The following NTRK3 variants were observed in gnomAD, a reference collection of about 807,000 sequenced individuals.
NTRK3 encodes the protein neurotrophic receptor tyrosine kinase 3.
NTRK3 carries 24 observed loss-of-function variants against 91.7 expected under a neutral mutation model. The observed-to-expected ratio is 0.26, with a 90% CI of 0.19 to 0.37. NTRK3 has a LOEUF of 0.37. Among genes scored for constraint, NTRK3 ranks in the 10% least tolerant of loss-of-function variants. The probability of loss-of-function intolerance (pLI) is 1.00; values close to 1 mark genes in which losing one functional copy is unlikely to be tolerated. For synonymous variants in NTRK3, 483 were observed against 404.0 expected (o/e 1.20, Z -2.34); for missense variants, 880 against 1,068.9 (o/e 0.82, Z 2.46).
At chr15:88,188,197 G>A (rs2047100355) in intron 3 of NTRK3, among the ~76,000 whole-genome samples, 1 of 152,188 alleles carries the variant, frequency 6.6e-6, no homozygotes. Context: ...TGGGTGTCCT[G>A]GTTCAATCAG....
At chr15:87,993,601 C>T (rs1252277008) in intron 14 of NTRK3, among the ~76,000 whole-genome samples, 1 of 152,156 alleles carries the variant, frequency 6.6e-6, no homozygotes, top group East Asian at 1.9e-4. Flanking sequence ...TTAGGCAGTG[C>T]AGGTGTCATC....
intron 3 of NTRK3, among the ~76,000 whole-genome samples, 183 bp from the exon 4 acceptor site, chr15:88,184,482 C>T (rs1464121453): frequency 1.3e-5 from 2 of 152,228 alleles, no homozygotes; most frequent in Admixed American, 6.5e-5. Context: ...CACCGTCTGC[C>T]TGATTGGGTT....
chr15:87,907,021 C>T (rs993076949), intron 17 of NTRK3, among the ~76,000 whole-genome samples: 1 of 152,138 alleles, frequency 6.6e-6, no homozygotes, highest in African/African-American at 2.4e-5. Context: ...AAATTTATGC[C>T]TGTAGCTCCT....
chr15:88,152,387 A>G (rs941965679), intron 5 of NTRK3, among the ~76,000 whole-genome samples: 1 of 152,330 alleles, frequency 6.6e-6, no homozygotes, highest in Admixed American at 6.5e-5. Flanking sequence ...AGACCTAATT[A>G]AAGTTAAGTA....
chr15:88,235,538 A>G lies in NTRK3; in HGVS notation c.248+20368T>C, dbSNP rs1049250414. ...AGTGGCATTCATCTATCCCTTGCAC[A>G]TGAGACTCAGCCTGGGCCCCTGGGA... On this transcript the variant is annotated intron_variant, in intron 3 of 18. Transcript: ENST00000394480. This position sits in a 1 kb window ranked among gnomAD's most constrained non-coding sequence, Gnocchi z 5.2. Among the ~76,000 whole-genome samples the G allele has an allele frequency of 3.3e-5, 5 of 152,114 alleles. No individual in the cohort carries two copies. Among genetic ancestry groups the G allele is most frequent in the Admixed American group, 6.5e-5 (1 of 15,278 alleles).
intron 14 of NTRK3, among the ~76,000 whole-genome samples, chr15:88,007,982 A>G (rs190622193): frequency 6.6e-6 from 1 of 152,312 alleles, no homozygotes; most frequent in East Asian, 1.9e-4. Context: ...CCAAGGAATT[A>G]TCTACTGGGA....
exon 19 of NTRK3, chr15:87,862,333 T>G: frequency 4.4e-6 from 1 of 224,774 alleles, no homozygotes; most frequent in Admixed American, 5.7e-5. Context: ...CCACCTCATT[T>G]ATTCCTAAAA....
At chr15:88,177,794 GACCA>G (rs1051318169) in intron 5 of NTRK3, among the ~76,000 whole-genome samples, 2 of 152,340 alleles carry the variant, frequency 1.3e-5, no homozygotes, top group Non-Finnish European at 2.9e-5. Flanking sequence ...AACAATTGGA[GACCA>G]ACATGTGTTG....
At chr15:88,109,640 G>C (rs901050426) in intron 13 of NTRK3, among the ~76,000 whole-genome samples, 1 of 152,172 alleles carries the variant, frequency 6.6e-6, no homozygotes, top group Non-Finnish European at 1.5e-5. Context: ...TGGGGGGCTG[G>C]GCGGGGGGCG....
At chr15:87,926,776 A>T (rs1816866427) in intron 17 of NTRK3, 1 of 152,246 alleles carries the variant, frequency 6.6e-6, no homozygotes, top group South Asian at 2.1e-4. Context: ...GGTCAGACAT[A>T]GTTTCCTGAG....
chr15:88,224,095 C>T (rs2050474810), intron 3 of NTRK3, among the ~76,000 whole-genome samples: 1 of 152,216 alleles, frequency 6.6e-6, no homozygotes, highest in Non-Finnish European at 1.5e-5. Context: ...CATCTCAGAG[C>T]TGGTGCAGAT....
chr15:87,987,735 T>C (rs989852059), intron 14 of NTRK3, among the ~76,000 whole-genome samples: 1 of 152,224 alleles, frequency 6.6e-6, no homozygotes, highest in East Asian at 1.9e-4. Context: ...TTTATGTTAC[T>C]TAAATCTGTA....
intron 17 of NTRK3, among the ~76,000 whole-genome samples, chr15:87,903,804 G>C (rs921607619): frequency 7.2e-5 from 11 of 152,210 alleles, no homozygotes; most frequent in Non-Finnish European, 1.2e-4. Flanking sequence ...CAATGAAAAG[G>C]GGGGAAACCA....
At position 88,166,571 on chromosome 15, in the gene NTRK3, G is replaced by A. The variant is rs1050139154; in HGVS notation, c.395+16847C>T. 1.6e-4 allele frequency among the ~76,000 whole-genome samples: 25 copies of A among 152,198 alleles called. 1 individual carries two copies. Among genetic ancestry groups the A allele is most frequent in the African/African-American group, 5.8e-4 (24 of 41,440 alleles). On this transcript the variant is annotated intron_variant, in intron 5 of 18. Transcript: ENST00000394480. ...CTGGCCATGGTGCTGAACCCCCAGG[G>A]ACGGAACCATGGAGGCTGGGAGTTG...
At chr15:88,101,923 G>A (rs946347743) in intron 13 of NTRK3, among the ~76,000 whole-genome samples, 3 of 152,148 alleles carry the variant, frequency 2.0e-5, no homozygotes, top group South Asian at 4.2e-4. Context: ...GCTAAATGAC[G>A]AGTTAATGGG....
chr15:88,111,616 C>G (rs147984733), intron 13 of NTRK3, among the ~76,000 whole-genome samples: 131 of 152,196 alleles, frequency 8.6e-4, no homozygotes, highest in African/African-American at 2.6e-3. Flanking sequence ...TCCCAGCAGC[C>G]CTAGGTCTCC....
At chr15:88,002,642 GAC>G (rs1179250577) in intron 14 of NTRK3, among the ~76,000 whole-genome samples, 1 of 137,922 alleles carries the variant, frequency 7.3e-6, no homozygotes, top group Non-Finnish European at 1.6e-5. Context: ...AATAAAAAGA[GAC>G]AGTTTTTTAA....
At chr15:88,067,310 C>A (rs1216292254) in intron 13 of NTRK3, among the ~76,000 whole-genome samples, 1 of 152,184 alleles carries the variant, frequency 6.6e-6, no homozygotes, top group Non-Finnish European at 1.5e-5. Flanking sequence ...TTGAGCATAA[C>A]TCCCTACAAT....
intron 13 of NTRK3, among the ~76,000 whole-genome samples, chr15:88,050,326 A>G (rs1460453185): frequency 1.3e-5 from 2 of 152,184 alleles, no homozygotes; most frequent in Non-Finnish European, 2.9e-5. Flanking sequence ...CTAATAAATG[A>G]CATCTATTTT....
Sources: gnomAD v4.1 joint callset for allele counts (sites outside exome capture counted in the v4.1 genomes callset) on GRCh38, gnomAD v4.1.1 for gene constraint, Gnocchi (gnomAD v3.1) non-coding constraint, MANE v1.5 for transcripts, NCBI Gene and HGNC (gene_info 2026-07-23, HGNC 2026-07-21) for gene names.